PTCHD1: variants seen among roughly 807,000 people sequenced by gnomAD.
PTCHD1 encodes the protein patched domain containing 1.
Under a neutral mutation model 34.6 loss-of-function variants are expected in PTCHD1, and 3 were observed. The observed-to-expected ratio is 0.09, with a 90% CI of 0.04 to 0.22. The LOEUF (loss-of-function observed/expected upper bound fraction) is 0.22, where lower values mean the gene tolerates loss of function less well. Ranked by LOEUF, PTCHD1 falls within the 10% of genes least tolerant of loss-of-function variation. The pLI is 1.00. For missense variants in PTCHD1, 504 were observed against 685.5 expected, an observed-to-expected ratio of 0.74 and a Z score of 2.96; for synonymous variants, 305 against 283.1, an observed-to-expected ratio of 1.08 and a Z score of -0.77.
Position 23,393,884 on chromosome X carries a change from A to G in PTCHD1, c.2366A>G (p.Asn789Ser). The change falls in exon 3 of 3, where the codon AAT (asparagine) becomes AGT (serine). Residue 789 changes from asparagine to serine, a missense_variant. By Grantham distance (46) the Asn-to-Ser change is conservative (BLOSUM62 1). Transcript: ENST00000379361. ...KDFTRTKWVK[N>S]ALEVHGVAIL... Reference sequence around the variant, plus strand: ...TTCACAAGAACTAAATGGGTAAAAAATGCCCTGGAAGTGCATGGGGTAGCT... The same window carrying G: ...TTCACAAGAACTAAATGGGTAAAAAGTGCCCTGGAAGTGCATGGGGTAGCT... 1 of 1,211,725 alleles carries G rather than the reference A, an allele frequency of 8.3e-7. No individual in the cohort carries two copies. Among genetic ancestry groups the G allele is most frequent in the Non-Finnish European group, 1.1e-6 (1 of 895,516 alleles).
chrX:23,364,731 G>T (rs1482114500), intron 1 of PTCHD1, among the ~76,000 whole-genome samples: 1 of 112,335 alleles, frequency 8.9e-6, no homozygotes, highest in African/African-American at 3.2e-5. Context: ...CAGAAATCCA[G>T]AAATGTAAAG....
At position 23,400,065 on chromosome X, in the gene PTCHD1, T is replaced by C. The variant is rs899074625; in HGVS notation, c.*5880T>C. The C allele has an allele frequency of 1.9e-5, 2 of 104,914 alleles. No homozygotes were observed. The highest frequency in any genetic ancestry group is 3.9e-5 in the Non-Finnish European group (2 of 51,215). The allele number at this position is 104,914 out of a possible 1,213,427, so 8.6% of individuals were successfully genotyped here. On this transcript the variant is annotated 3_prime_UTR_variant, in exon 3 of 3. Coordinates refer to ENST00000379361, the MANE Select transcript of PTCHD1 (RefSeq NM_173495.3). ...TACTCTGAGATGTCTACACCAGGCA[T>C]GCTTTCACACACGTGCAGTACCCTA... is the stretch of plus-strand genomic sequence containing the variant.
chrX:23,392,395 T>C (rs1043826122), intron 2 of PTCHD1, 136 bp from the exon 3 acceptor site: 21 of 509,183 alleles, frequency 4.1e-5, no homozygotes, highest in African/African-American at 4.0e-4. Flanking sequence ...GGAGAAATCA[T>C]TGGCATTTAC....
chrX:23,353,673 A>G (rs904947383), intron 1 of PTCHD1, among the ~76,000 whole-genome samples: 1 of 112,456 alleles, frequency 8.9e-6, no homozygotes, highest in African/African-American at 3.2e-5. Context: ...TTCCATCATC[A>G]TCTGAGATGA....
At chrX:23,358,883 C>G (rs749700367) in intron 1 of PTCHD1, among the ~76,000 whole-genome samples, 1 of 111,968 alleles carries the variant, frequency 8.9e-6, no homozygotes, top group Non-Finnish European at 1.9e-5. Flanking sequence ...CAGTTTTCCC[C>G]GCACCATTTA....
intron 1 of PTCHD1, chrX:23,351,267 C>A (rs771491572): frequency 1.1e-5 from 9 of 795,680 alleles, no homozygotes; most frequent in Non-Finnish European, 1.9e-6. Context: ...CCTCAGTTGA[C>A]TCATTCACTC....
chrX:23,363,283 T>C (rs1922040757), intron 1 of PTCHD1, among the ~76,000 whole-genome samples: 1 of 112,843 alleles, frequency 8.9e-6, no homozygotes, highest in Admixed American at 9.3e-5. Flanking sequence ...GCAACAGGCC[T>C]TGCTGAGCTG....
At position 23,395,344 on chromosome X, in the gene PTCHD1, G is replaced by GT. The variant is rs1410821405; in HGVS notation, c.*1160dup. On this transcript the variant is annotated 3_prime_UTR_variant, in exon 3 of 3. Coordinates refer to ENST00000379361, the MANE Select transcript of PTCHD1 (RefSeq NM_173495.3). ...GACAGAGAGGGGAAGAAGATCTTTG[G>GT]TAAGTCTAAGTCCTGACGCTGAGAA... 1.2e-4 allele frequency: 14 copies of GT among 112,340 alleles called. No individual in the cohort carries two copies. Among genetic ancestry groups the GT allele is most frequent in the African/African-American group, 4.5e-4 (14 of 30,876 alleles). 9.3% of individuals were successfully genotyped at this position (112,340 alleles called of 1,213,427 possible). A position where few individuals can be genotyped will look rare whatever the true frequency, so the allele number is the denominator to read the frequency against.
At chrX:23,351,015 C>G in intron 1 of PTCHD1, 1 of 338,958 alleles carries the variant, frequency 3.0e-6, no homozygotes, top group Non-Finnish European at 5.2e-6. Flanking sequence ...ATCCAGTAGG[C>G]TCTGTCTACT....
At position 23,398,377 on chromosome X, in the gene PTCHD1, C is replaced by T. The variant is rs1923043494; in HGVS notation, c.*4192C>T. 1 of 111,146 alleles carries T rather than the reference C, an allele frequency of 9.0e-6. No homozygotes were observed. The highest frequency in any genetic ancestry group is 3.8e-4 in the South Asian group (1 of 2,608). The allele number at this position is 111,146 out of a possible 1,213,427, so 9.2% of individuals were successfully genotyped here. ...GACATCAAAATGAAGCTGATCACCACATAGTGGGGCCACTGTAAAGGGGCT... is the reference window on the plus strand; with the variant it reads ...GACATCAAAATGAAGCTGATCACCATATAGTGGGGCCACTGTAAAGGGGCT... On this transcript the variant is annotated 3_prime_UTR_variant, in exon 3 of 3. Transcript: ENST00000379361.
At chrX:23,360,586 T>A (rs746742951) in intron 1 of PTCHD1, among the ~76,000 whole-genome samples, 5 of 111,793 alleles carry the variant, frequency 4.5e-5, no homozygotes, top group Admixed American at 9.5e-5. Flanking sequence ...TTGTTGATCT[T>A]TTCAAAAAAC....
intron 1 of PTCHD1, among the ~76,000 whole-genome samples, chrX:23,342,292 ATATATATATATATATATATTTT>A (rs1172936509): frequency 9.9e-4 from 7 of 7,063 alleles, no homozygotes; most frequent in Non-Finnish European, 1.1e-3. Context: ...ATATATATAT[ATATATATATATATATATATTTT>A]TTTTTTTTTT....
intron 1 of PTCHD1, among the ~76,000 whole-genome samples, chrX:23,350,287 C>A (rs1171359421): frequency 9.0e-6 from 1 of 110,908 alleles, no homozygotes; most frequent in Non-Finnish European, 1.9e-5. Flanking sequence ...CCCCTATCAA[C>A]ATCCCAAGAA....
intron 2 of PTCHD1, 134 bp downstream of exon 2, chrX:23,380,385 C>A: frequency 1.6e-6 from 1 of 629,500 alleles, no homozygotes; most frequent in East Asian, 3.3e-5. Flanking sequence ...GTCCTGGGAC[C>A]CACTCTATAA....
rs1923161462 is a variant in PTCHD1 at position 23,403,045 on chromosome X, C to T, written c.*8860C>T. ...ATAGTTTAAACATTTAAACATGGCC[C>T]CTCTCTTATTGTCATTGCTAGTGAA... On this transcript the variant is annotated 3_prime_UTR_variant, in exon 3 of 3. Coordinates refer to ENST00000379361, the MANE Select transcript of PTCHD1 (RefSeq NM_173495.3). The T allele has an allele frequency of 8.9e-6, 1 of 112,305 alleles. No homozygotes were observed. The highest frequency in any genetic ancestry group is 1.9e-5 in the Non-Finnish European group (1 of 53,258). The allele number at this position is 112,305 out of a possible 1,213,427, so 9.3% of individuals were successfully genotyped here.
intron 1 of PTCHD1, among the ~76,000 whole-genome samples, chrX:23,347,581 C>A (rs1921510743): frequency 8.9e-6 from 1 of 112,428 alleles, no homozygotes; most frequent in African/African-American, 3.2e-5. Context: ...ACTGATATAA[C>A]ATGTCTAGCC....
rs1256774477 is a variant in PTCHD1 at position 23,342,327 on chromosome X, TTTTTTA to T, written c.351+7102_351+7107del. Among the ~76,000 whole-genome samples the T allele has an allele frequency of 5.6e-3, 242 of 43,475 alleles. 6 individuals carry two copies. Among genetic ancestry groups the T allele is most frequent in the African/African-American group, 0.036 (210 of 5,784 alleles). The allele number at this position is 43,475 out of a possible 115,157, so 37.8% of individuals were successfully genotyped here. On this transcript the variant is annotated intron_variant, in intron 1 of 2. Transcript: ENST00000379361. ...ATATATATATTTTTTTTTTTTTTTTTTTTTTAAAAGAATTGGGTACAGAGCTACAGG... is the reference window on the plus strand; with the variant it reads ...ATATATATATTTTTTTTTTTTTTTTTAAAGAATTGGGTACAGAGCTACAGG...
intron 1 of PTCHD1, among the ~76,000 whole-genome samples, chrX:23,357,462 T>A (rs1921838532): frequency 9.0e-6 from 1 of 111,200 alleles, no homozygotes; most frequent in Admixed American, 9.5e-5. Flanking sequence ...TATGATCACT[T>A]TGGGAAACAA....
chrX:23,341,113 T>A (rs1251874463), intron 1 of PTCHD1, among the ~76,000 whole-genome samples: 3 of 112,187 alleles, frequency 2.7e-5, no homozygotes, highest in Non-Finnish European at 5.6e-5. Flanking sequence ...AATTCTCCAT[T>A]TAGGTACACA....
Sources: allele counts gnomAD v4.1 joint callset (sites outside exome capture counted in the v4.1 genomes callset), GRCh38; gene constraint gnomAD v4.1.1; transcripts MANE v1.5; gene names NCBI Gene and HGNC (gene_info 2026-07-23, HGNC 2026-07-21).